Variants in ARB2A observed in about 807,000 individuals in gnomAD.
ARB2A encodes cotranscriptional regulator ARB2A.
At chr5:93,741,405 C>G in the ARB2A span, 1 of 1,613,394 alleles carries the variant, frequency 6.2e-7, no homozygotes, top group South Asian at 1.1e-5. Context: ...CTGGGCAGAT[C>G]CCTGGCCTGA....
the ARB2A span, among the ~76,000 whole-genome samples, chr5:94,071,447 G>A: frequency 5.9e-5 from 9 of 151,876 alleles, no homozygotes; most frequent in African/African-American, 2.2e-4. Flanking sequence ...TGTTAAGAGG[G>A]TGAAAGACAA....
the ARB2A span, among the ~76,000 whole-genome samples, chr5:93,698,125 A>G: frequency 7.2e-5 from 11 of 152,220 alleles, 1 homozygote. Flanking sequence ...AGCAAGTAAA[A>G]AACTGTATAT....
chr5:94,109,434 C>T, the ARB2A span, among the ~76,000 whole-genome samples: 1 of 152,190 alleles, frequency 6.6e-6, no homozygotes, highest in African/African-American at 2.4e-5. Flanking sequence ...ACTCTAAAAA[C>T]AGAGACAGTA....
the ARB2A span, among the ~76,000 whole-genome samples, chr5:93,974,325 T>C: frequency 6.6e-6 from 1 of 152,192 alleles, no homozygotes; most frequent in Admixed American, 6.5e-5. Context: ...GAGGTTGTTA[T>C]TCCTATATCA....
chr5:93,779,122 T>TGTGTGTGTGTGC, the ARB2A span, among the ~76,000 whole-genome samples: 4 of 147,266 alleles, frequency 2.7e-5, no homozygotes, highest in African/African-American at 1.0e-4. Context: ...TGTGTGTGTG[T>TGTGTGTGTGTGC]GTGCGCGCGC....
chr5:93,835,893 A>G, the ARB2A span, among the ~76,000 whole-genome samples: 1 of 152,314 alleles, frequency 6.6e-6, no homozygotes, highest in African/African-American at 2.4e-5. Context: ...TAAAAAGTTA[A>G]GGCTTTCCAC....
chr5:93,942,198 A>G, the ARB2A span, among the ~76,000 whole-genome samples: 1 of 152,144 alleles, frequency 6.6e-6, no homozygotes, highest in African/African-American at 2.4e-5. Context: ...ACCTCTCTCC[A>G]AACACTAGAG....
At chr5:93,807,495 A>G in the ARB2A span, among the ~76,000 whole-genome samples, 1 of 151,994 alleles carries the variant, frequency 6.6e-6, no homozygotes, top group African/African-American at 2.4e-5. Flanking sequence ...CCACTGTTTC[A>G]TAGTGAAACT....
chr5:93,773,805 G>A, the ARB2A span, among the ~76,000 whole-genome samples: 2 of 152,152 alleles, frequency 1.3e-5, no homozygotes, highest in Non-Finnish European at 2.9e-5. Context: ...TGTCTTCTAA[G>A]TTGGGGTACA....
the ARB2A span, among the ~76,000 whole-genome samples, chr5:94,069,441 A>C: frequency 6.6e-6 from 1 of 152,220 alleles, no homozygotes; most frequent in African/African-American, 2.4e-5. Flanking sequence ...ATGGGACTAC[A>C]TTAAACTAAA....
the ARB2A span, among the ~76,000 whole-genome samples, chr5:93,760,079 G>A: frequency 4.1e-4 from 62 of 152,090 alleles, 1 homozygote; most frequent in African/African-American, 1.3e-3. Flanking sequence ...TACACAAATC[G>A]GTAGCTCTTC....
chr5:93,929,048 T>A, the ARB2A span, among the ~76,000 whole-genome samples: 1 of 151,784 alleles, frequency 6.6e-6, no homozygotes, highest in East Asian at 1.9e-4. Flanking sequence ...AAACAAAAGG[T>A]AGGAAAATGC....
At chr5:93,834,600 T>C in the ARB2A span, among the ~76,000 whole-genome samples, 2 of 152,182 alleles carry the variant, frequency 1.3e-5, no homozygotes, top group Admixed American at 1.3e-4. Context: ...TGCCAAATAT[T>C]TGCAGCCTTC....
At chr5:93,698,625 C>T in the ARB2A span, among the ~76,000 whole-genome samples, 1 of 152,130 alleles carries the variant, frequency 6.6e-6, no homozygotes, top group South Asian at 2.1e-4. Context: ...GGAAATAACT[C>T]ATTGCATGTC....
At chr5:93,918,034 T>C in the ARB2A span, among the ~76,000 whole-genome samples, 4 of 152,224 alleles carry the variant, frequency 2.6e-5, no homozygotes, top group South Asian at 8.3e-4. Flanking sequence ...TAGTTTTAAC[T>C]TGTCCCTTTT....
the ARB2A span, among the ~76,000 whole-genome samples, chr5:93,873,149 A>T: frequency 3.3e-5 from 5 of 151,998 alleles, no homozygotes; most frequent in African/African-American, 7.2e-5. Context: ...CCTGTGCGTC[A>T]GGTGTGGTGG....
At chr5:93,973,436 C>G in the ARB2A span, among the ~76,000 whole-genome samples, 102 of 152,062 alleles carry the variant, frequency 6.7e-4, 1 homozygote, top group Non-Finnish European at 2.4e-4. Flanking sequence ...GTGACCAAAT[C>G]TATGACTTAC....
chr5:93,653,189 A>T, the ARB2A span, among the ~76,000 whole-genome samples: 2 of 152,070 alleles, frequency 1.3e-5, no homozygotes. Flanking sequence ...ATTTTGGTAC[A>T]ACTTATATGA....
the ARB2A span, chr5:94,050,611 A>G: frequency 1.0e-5 from 8 of 763,658 alleles, no homozygotes; most frequent in East Asian, 1.6e-4. Flanking sequence ...AAAAAAAAAC[A>G]AAAACCTTTT....
Sources: gnomAD v4.1 joint callset for allele counts (sites outside exome capture counted in the v4.1 genomes callset) on GRCh38, gnomAD v4.1.1 for gene constraint, MANE v1.5 for transcripts, NCBI Gene and HGNC (gene_info 2026-07-23, HGNC 2026-07-21) for gene names.